The following SPIRE1 variants were observed in gnomAD, a reference collection of about 807,000 sequenced individuals.
SPIRE1 encodes spire type actin nucleation factor 1, also known as protein spire homolog 1.
In SPIRE1, 40 loss-of-function variants were observed where a neutral mutation model predicts 94.1. The ratio of observed to expected loss-of-function variants is 0.43; its 90% confidence interval spans 0.33 to 0.55. SPIRE1 has a LOEUF of 0.55. SPIRE1 is among the 20% of genes least tolerant of loss of function. The pLI is 0.06. For synonymous variants in SPIRE1, 376 were observed against 371.7 expected (o/e 1.01, Z -0.13); for missense variants, 838 against 975.2 (o/e 0.86, Z 1.87).
chr18:12,513,994 C>T (rs145763235), intron 4 of SPIRE1, among the ~76,000 whole-genome samples: 97 of 152,218 alleles, frequency 6.4e-4, no homozygotes, highest in Admixed American at 2.2e-3. Flanking sequence ...CAGGTGTGCA[C>T]CCCTATGCCT....
intron 2 of SPIRE1, among the ~76,000 whole-genome samples, chr18:12,631,478 G>A (rs375568515): frequency 1.4e-5 from 2 of 140,838 alleles, no homozygotes; most frequent in Non-Finnish European, 3.0e-5. Context: ...TTGGGAGGCC[G>A]AGGCATGAGG....
At chr18:12,528,901 A>C (rs2034602684) in intron 4 of SPIRE1, among the ~76,000 whole-genome samples, 1 of 152,232 alleles carries the variant, frequency 6.6e-6, no homozygotes, top group South Asian at 2.1e-4. Flanking sequence ...ATGATCAAAT[A>C]TCTACGGAGT....
intron 4 of SPIRE1, among the ~76,000 whole-genome samples, chr18:12,526,092 C>CACACACACACACACAGAG (rs765621602): frequency 6.7e-6 from 1 of 148,974 alleles, no homozygotes; most frequent in African/African-American, 2.5e-5. Context: ...CACACACACA[C>CACACACACACACACAGAG]AGAGATGTAT....
intron 2 of SPIRE1, among the ~76,000 whole-genome samples, chr18:12,576,438 C>T (rs907233399): frequency 1.2e-4 from 18 of 151,286 alleles, no homozygotes; most frequent in Non-Finnish European, 2.7e-4. Context: ...GAAAATTAGC[C>T]AGGTGTGGTG....
chr18:12,471,799 T>C (rs1392555669), intron 10 of SPIRE1, among the ~76,000 whole-genome samples: 2 of 152,188 alleles, frequency 1.3e-5, no homozygotes, highest in East Asian at 3.8e-4. Flanking sequence ...TCTTCTTCTT[T>C]TTTTGGAGAG....
chr18:12,630,877 A>AACTCTT (rs2037755335), intron 2 of SPIRE1, among the ~76,000 whole-genome samples: 1 of 152,190 alleles, frequency 6.6e-6, no homozygotes, highest in Non-Finnish European at 1.5e-5. Flanking sequence ...GGGTTTACAG[A>AACTCTT]GGGAATGGCA....
chr18:12,458,776 G>A (rs934781109), intron 12 of SPIRE1, among the ~76,000 whole-genome samples: 4 of 152,248 alleles, frequency 2.6e-5, no homozygotes, highest in East Asian at 1.9e-4. Context: ...AAAAGCCACC[G>A]TGGCACCTGA....
At chr18:12,625,224 A>G (rs1282498116) in intron 2 of SPIRE1, among the ~76,000 whole-genome samples, 1 of 152,174 alleles carries the variant, frequency 6.6e-6, no homozygotes, top group African/African-American at 2.4e-5. Flanking sequence ...GCGGCAACTC[A>G]TGTACAGACA....
chr18:12,493,517 G>A (rs556953831), intron 7 of SPIRE1, among the ~76,000 whole-genome samples: 5 of 151,704 alleles, frequency 3.3e-5, no homozygotes, highest in Admixed American at 6.6e-5. Flanking sequence ...AGCGATTCTC[G>A]TGCCTCAGCC....
intron 5 of SPIRE1, 105 bp downstream of exon 5, chr18:12,512,349 T>C (rs1481266126): frequency 7.9e-6 from 6 of 757,236 alleles, no homozygotes; most frequent in Non-Finnish European, 1.3e-5. Flanking sequence ...ATCGCACCAT[T>C]GCACTGCAGC....
chr18:12,619,726 G>A (rs2032296395), intron 2 of SPIRE1, among the ~76,000 whole-genome samples: 1 of 148,978 alleles, frequency 6.7e-6, no homozygotes, highest in African/African-American at 2.5e-5. Context: ...TGTGCCTGTA[G>A]TCCTAGCTAC....
chr18:12,606,533 A>ATTTT (rs11461946), intron 2 of SPIRE1, among the ~76,000 whole-genome samples: 2 of 145,540 alleles, frequency 1.4e-5, no homozygotes, highest in Non-Finnish European at 1.5e-5. Context: ...TAATTATCTG[A>ATTTT]TTTTTTTTTT....
At chr18:12,522,194 A>G (rs1413447685) in intron 4 of SPIRE1, among the ~76,000 whole-genome samples, 1 of 152,180 alleles carries the variant, frequency 6.6e-6, no homozygotes, top group African/African-American at 2.4e-5. Context: ...TAAAAGTGCT[A>G]CTCCAGTGAA....
intron 2 of SPIRE1, among the ~76,000 whole-genome samples, chr18:12,562,595 A>G (rs2035718019): frequency 6.6e-6 from 1 of 151,670 alleles, no homozygotes; most frequent in Non-Finnish European, 1.5e-5. Flanking sequence ...CCATCAACCC[A>G]TTACCTAGGT....
intron 1 of SPIRE1, among the ~76,000 whole-genome samples, chr18:12,643,109 T>C (rs1028441330): frequency 1.3e-5 from 2 of 152,124 alleles, no homozygotes; most frequent in East Asian, 1.9e-4. Context: ...TAAAAATGTT[T>C]ATAGTATAAA....
intron 10 of SPIRE1, among the ~76,000 whole-genome samples, chr18:12,465,172 A>G (rs1432142807): frequency 2.6e-5 from 4 of 151,924 alleles, no homozygotes; most frequent in African/African-American, 9.7e-5. Context: ...TGTGAAACTG[A>G]GCATGCTTCT....
intron 10 of SPIRE1, among the ~76,000 whole-genome samples, chr18:12,466,961 G>T (rs1423461797): frequency 6.6e-6 from 1 of 152,106 alleles, no homozygotes; most frequent in Non-Finnish European, 1.5e-5. Flanking sequence ...GGAAAAAAAG[G>T]CCACGTAAAC....
intron 2 of SPIRE1, among the ~76,000 whole-genome samples, chr18:12,589,417 G>A (rs1011205856): frequency 5.3e-5 from 8 of 152,116 alleles, no homozygotes; most frequent in Non-Finnish European, 7.4e-5. Context: ...TCTGAAGGCC[G>A]CCCACTCTGC....
rs1312511223 is a variant in SPIRE1 at position 12,503,830 on chromosome 18, T to C, written c.972+2647A>G. Among the ~76,000 whole-genome samples, 6 of 147,684 alleles carry C rather than the reference T, an allele frequency of 4.1e-5. 1 individual carries two copies. The highest frequency in any genetic ancestry group is 1.5e-4 in the African/African-American group (6 of 39,418). On this transcript the variant is annotated intron_variant, in intron 6 of 16. Coordinates refer to ENST00000409402, the MANE Select transcript of SPIRE1 (RefSeq NM_001128626.2). ...TTTAAAAGCATGAAATAAATGTAGA[T>C]GTTAAAAATGAAAGAATATTTTCTT...
Sources: allele counts gnomAD v4.1 joint callset (sites outside exome capture counted in the v4.1 genomes callset), GRCh38; gene constraint gnomAD v4.1.1; transcripts MANE v1.5; gene names NCBI Gene and HGNC (gene_info 2026-07-23, HGNC 2026-07-21).